The following RAPGEF1 variants were observed in gnomAD, a reference collection of about 807,000 sequenced individuals.
RAPGEF1 encodes the protein Rap guanine nucleotide exchange factor 1.
In RAPGEF1, 33 loss-of-function variants were observed where a neutral mutation model predicts 143.3. The observed-to-expected ratio is 0.23, with a 90% CI of 0.17 to 0.31. The LOEUF is 0.31. Ranked by LOEUF, RAPGEF1 falls within the 10% of genes least tolerant of loss-of-function variation. RAPGEF1 has a pLI of 1.00. For synonymous variants in RAPGEF1, 629 were observed against 676.5 expected, an observed-to-expected ratio of 0.93 and a Z score of 1.09; for missense variants, 1,199 against 1,645.4, an observed-to-expected ratio of 0.73 and a Z score of 4.69.
chr9:131,591,525 C>T (rs1954259905), intron 18 of RAPGEF1, among the ~76,000 whole-genome samples: 2 of 152,174 alleles, frequency 1.3e-5, no homozygotes, highest in Non-Finnish European at 2.9e-5. Flanking sequence ...TCAGCCACTA[C>T]TGCAGAGGGT....
At chr9:131,633,203 G>A (rs1405845824) in intron 5 of RAPGEF1, among the ~76,000 whole-genome samples, 1 of 152,234 alleles carries the variant, frequency 6.6e-6, no homozygotes, top group Non-Finnish European at 1.5e-5. Flanking sequence ...TCTAGCTGGT[G>A]ATTACAAACA....
intron 1 of RAPGEF1, among the ~76,000 whole-genome samples, chr9:131,669,216 C>G (rs1830947732): frequency 6.6e-6 from 1 of 152,176 alleles, no homozygotes. Flanking sequence ...CCCTCTGGGC[C>G]TCCAGAGGAA....
At chr9:131,629,321 G>A in intron 6 of RAPGEF1, 67 bp from the exon 7 acceptor site, 1 of 1,487,266 alleles carries the variant, frequency 6.7e-7, no homozygotes. Context: ...CACAGGCCCT[G>A]AGAGGGTGAG....
At chr9:131,677,544 C>A (rs1198375510) in intron 1 of RAPGEF1, among the ~76,000 whole-genome samples, 2 of 152,168 alleles carry the variant, frequency 1.3e-5, no homozygotes, top group Non-Finnish European at 2.9e-5. Context: ...AAATAACAAA[C>A]ACCAAGTGAC....
In RAPGEF1 at chr9:131,686,899, C is replaced by T. The variant is rs185662667; in HGVS notation, c.62-35950G>A. ...ACTTAAATGTAACTACATCGTCATA[C>T]TATAATTATTTAGTTGAACTATGAT... On this transcript the variant is annotated intron_variant, in intron 1 of 26. Coordinates refer to ENST00000683357, the MANE Select transcript of RAPGEF1 (RefSeq NM_001377935.1). Among the ~76,000 whole-genome samples, 7 of 152,316 alleles carry T rather than the reference C, an allele frequency of 4.6e-5. No homozygotes were observed. In the East Asian group the frequency reaches 9.6e-4, roughly 21 times the overall value.
intron 1 of RAPGEF1, 26 bp downstream of exon 1, chr9:131,739,744 G>A (rs1311477296): frequency 2.7e-6 from 3 of 1,120,162 alleles, no homozygotes; most frequent in Non-Finnish European, 2.2e-6. Context: ...CCGGCCGGAG[G>A]GAGCCGCCCC....
intron 1 of RAPGEF1, among the ~76,000 whole-genome samples, chr9:131,700,026 C>G (rs1834511377): frequency 6.6e-6 from 1 of 152,206 alleles, no homozygotes; most frequent in African/African-American, 2.4e-5. Context: ...CAGCCCCAAT[C>G]ATCCCCCACA....
At chr9:131,702,337 A>G (rs1834720974) in intron 1 of RAPGEF1, among the ~76,000 whole-genome samples, 1 of 152,248 alleles carries the variant, frequency 6.6e-6, no homozygotes, top group Admixed American at 6.5e-5. Context: ...GCTTAAATAA[A>G]GCCTCATGTC....
chr9:131,631,929 A>C (rs60544551), intron 5 of RAPGEF1, among the ~76,000 whole-genome samples: 3,694 of 152,288 alleles, frequency 0.024, 152 homozygotes, highest in African/African-American at 0.084. Flanking sequence ...CAGCCTCTCC[A>C]GAGGGATGAC....
At position 131,577,086 on chromosome 9, in the gene RAPGEF1, C is replaced by G. The variant is rs994032214; in HGVS notation, c.*2411G>C. 21 of 152,382 alleles carry G rather than the reference C, an allele frequency of 1.4e-4. No individual in the cohort carries two copies. The highest frequency in any genetic ancestry group is 5.1e-4 in the African/African-American group (21 of 41,444). The allele number at this position is 152,382 out of a possible 1,614,324, so 9.4% of individuals were successfully genotyped here. ...ACTGATTCCCACAACCCGCCCGGGC[C>G]CCCCAAAGGAACAGACGAGCCACGG... is the stretch of plus-strand genomic sequence containing the variant. On this transcript the variant is annotated 3_prime_UTR_variant, in exon 27 of 27. Transcript: ENST00000683357.
intron 5 of RAPGEF1, among the ~76,000 whole-genome samples, chr9:131,636,024 T>A (rs913360075): frequency 2.0e-5 from 3 of 152,184 alleles, no homozygotes; most frequent in Non-Finnish European, 4.4e-5. Context: ...CACAGGCAGC[T>A]CCTGTCCATC....
chr9:131,590,019 G>T lies in RAPGEF1; in HGVS notation c.2775-41C>A, dbSNP rs147463712. The stretch of plus-strand genomic sequence containing the variant: ...AAGAAATAGCCATGTGGTCGGCTGA[G>T]GGTGGTGGAGTGGAGGACTGACTCC... On this transcript the variant is annotated intron_variant, in intron 18 of 26. Transcript: ENST00000683357. The T allele has an allele frequency of 2.0e-4, 316 of 1,568,208 alleles. 2 individuals are homozygous for T. The highest frequency in any genetic ancestry group is 2.6e-4 in the Non-Finnish European group (299 of 1,139,822).
chr9:131,728,825 C>T (rs777626796), intron 1 of RAPGEF1, among the ~76,000 whole-genome samples: 4 of 152,194 alleles, frequency 2.6e-5, no homozygotes, highest in Non-Finnish European at 4.4e-5. Context: ...TAAGATTTAT[C>T]GAGCACTTCT....
In RAPGEF1 at chr9:131,628,604, G is replaced by C. The variant is rs1184917903; in HGVS notation, c.962C>G (p.Ala321Gly). 6.2e-7 allele frequency: 1 copy of C among 1,613,150 alleles called. No individual in the cohort carries two copies. Among genetic ancestry groups the C allele is most frequent in the Non-Finnish European group, 8.5e-7 (1 of 1,179,190 alleles). ...GCCACTGGTGGCTCGGCTCATGGGG[G>C]CCACCACAGCCACTCGGGTAGGGGA... Reference protein sequence around the residue: ...APSPTRVAVVAPMSRATSGSS... With the variant: ...APSPTRVAVVGPMSRATSGSS... The change falls in exon 8 of 27, where the codon GCC (alanine) becomes GGC (glycine). Residue 321 changes from alanine to glycine, a missense_variant. Ala to Gly is a moderately conservative substitution (Grantham distance 60, BLOSUM62 0). Coordinates refer to ENST00000683357, the MANE Select transcript of RAPGEF1 (RefSeq NM_001377935.1). This position sits in a 1 kb window ranked among gnomAD's most constrained non-coding sequence, Gnocchi z 5.7.
intron 1 of RAPGEF1, among the ~76,000 whole-genome samples, chr9:131,652,319 C>T (rs1971274513): frequency 6.6e-6 from 1 of 152,084 alleles, no homozygotes; most frequent in Non-Finnish European, 1.5e-5. Flanking sequence ...GGTGTGATCA[C>T]AGCTCACCAC....
chr9:131,737,272 GCCCC>G, intron 1 of RAPGEF1: 15 of 1,445,820 alleles, frequency 1.0e-5, no homozygotes, highest in Non-Finnish European at 1.5e-5. Context: ...CTCCTGGTCA[GCCCC>G]TTCCCCTCTC....
At chr9:131,703,911 G>C (rs541339450) in intron 1 of RAPGEF1, among the ~76,000 whole-genome samples, 2 of 152,292 alleles carry the variant, frequency 1.3e-5, no homozygotes, top group East Asian at 1.9e-4. Context: ...ATTGGGATTG[G>C]GATGAAGCCA....
intron 1 of RAPGEF1, among the ~76,000 whole-genome samples, chr9:131,688,889 C>T (rs1833570381): frequency 6.6e-6 from 1 of 152,202 alleles, no homozygotes; most frequent in Non-Finnish European, 1.5e-5. Context: ...TAGAACGAAA[C>T]TTCGTCTCAA....
chr9:131,607,675 T>G, intron 12 of RAPGEF1, among the ~76,000 whole-genome samples: 1 of 152,080 alleles, frequency 6.6e-6, no homozygotes, highest in Non-Finnish European at 1.5e-5. Context: ...AGATGTTCAT[T>G]CCCAATGCCC....
Sources: allele counts gnomAD v4.1 joint callset (sites outside exome capture counted in the v4.1 genomes callset), GRCh38; gene constraint gnomAD v4.1.1; non-coding constraint Gnocchi (gnomAD v3.1); transcripts MANE v1.5; gene names NCBI Gene and HGNC (gene_info 2026-07-23, HGNC 2026-07-21).